The following LPIN1 variants were observed in gnomAD, a reference collection of about 807,000 sequenced individuals.
LPIN1 encodes the protein lipin 1.
Under a neutral mutation model 107.5 loss-of-function variants are expected in LPIN1, and 71 were observed. The observed-to-expected ratio is 0.66, with a 90% confidence interval of 0.55 to 0.80. The LOEUF (loss-of-function observed/expected upper bound fraction) is 0.80. LPIN1 is among the 30% of genes least tolerant of loss of function. The pLI is 0.00. For missense variants in LPIN1, 1,043 were observed against 1,160.6 expected, an observed-to-expected ratio of 0.90 and a Z score of 1.47; for synonymous variants, 445 against 452.6, an observed-to-expected ratio of 0.98 and a Z score of 0.21.
rs1214826747 is a variant in LPIN1, at chr2:11,774,945, G to C, written c.723-1141G>C. On this transcript the variant is annotated intron_variant, in intron 5 of 20. Coordinates refer to ENST00000674199, the MANE Select transcript of LPIN1 (RefSeq NM_001349206.2). This position sits in a 1 kb window ranked among gnomAD's most constrained non-coding sequence, Gnocchi z 4.4. ...TCCATATGTAATTTTAAGATTTCCA[G>C]TAGCCCTATTTTTAAAAAGTAAAAA... Among the ~76,000 whole-genome samples, 1 of 146,716 alleles carries C rather than the reference G, an allele frequency of 6.8e-6. No homozygotes were observed. The highest frequency in any genetic ancestry group is 1.5e-5 in the Non-Finnish European group (1 of 67,356).
intron 1 of LPIN1, among the ~76,000 whole-genome samples, chr2:11,687,914 G>A (rs1662088788): frequency 6.6e-6 from 1 of 152,254 alleles, no homozygotes; most frequent in South Asian, 2.1e-4. Context: ...GAGGACACCG[G>A]GGGCTGAAAC....
chr2:11,805,087 A>C lies in LPIN1; in HGVS notation c.2180A>C (p.His727Pro). Reference protein sequence around the residue: ...GTITRSDTLGHILPTLGKDWT... With the variant: ...GTITRSDTLGPILPTLGKDWT... ...TCATTTAGATCAGATACTCTTGGCC[A>C]CATTTTGCCCACCCTTGGGAAGGAT... The change falls in exon 17 of 21, where the codon CAC becomes CCC. Residue 727 changes from histidine (H) to proline (P), a missense_variant. Transcript: ENST00000674199. 6.2e-7 allele frequency: 1 copy of C among 1,612,756 alleles called. No homozygotes were observed. Among genetic ancestry groups the C allele is most frequent in the Non-Finnish European group, 8.5e-7 (1 of 1,179,122 alleles).
intron 2 of LPIN1, among the ~76,000 whole-genome samples, chr2:11,766,276 G>A (rs566866285): frequency 6.6e-6 from 1 of 152,060 alleles, no homozygotes; most frequent in East Asian, 1.9e-4. Flanking sequence ...CGTCTGCTGT[G>A]CTCTACTGGT....
At chr2:11,806,704 G>C (rs1678751063) in intron 17 of LPIN1, among the ~76,000 whole-genome samples, 1 of 152,090 alleles carries the variant, frequency 6.6e-6, no homozygotes, top group Admixed American at 6.5e-5. Context: ...TACTTCTTAA[G>C]ACATAAAAAT....
chr2:11,742,902 G>A (rs1440031819), upstream of LPIN1, among the ~76,000 whole-genome samples: 1 of 152,234 alleles, frequency 6.6e-6, no homozygotes, highest in East Asian at 1.9e-4. Flanking sequence ...CCTGACTGCT[G>A]TGCATGTGCT....
At chr2:11,766,249 C>A (rs778703729) in intron 2 of LPIN1, among the ~76,000 whole-genome samples, 1 of 152,180 alleles carries the variant, frequency 6.6e-6, no homozygotes, top group Non-Finnish European at 1.5e-5. Flanking sequence ...CCTAGCCTTG[C>A]AAGCCACATG....
At chr2:11,764,989 G>T (rs1029153729) in intron 1 of LPIN1, among the ~76,000 whole-genome samples, 2 of 152,220 alleles carry the variant, frequency 1.3e-5, no homozygotes, top group Admixed American at 6.5e-5. Flanking sequence ...GTGGAGACTG[G>T]TGGGCTTGCT....
intron 1 of LPIN1, among the ~76,000 whole-genome samples, chr2:11,738,259 T>G (rs916695071): frequency 1.3e-5 from 2 of 151,452 alleles, no homozygotes; most frequent in African/African-American, 4.9e-5. Context: ...AGGGGAGGGA[T>G]AGCATTAGGA....
chr2:11,805,193 C>A, intron 17 of LPIN1, 37 bp downstream of exon 17: 1 of 1,464,016 alleles, frequency 6.8e-7, no homozygotes, highest in Non-Finnish European at 9.6e-7. Flanking sequence ...CTCCTGTGAA[C>A]GCTGGTGTGT....
chr2:11,814,511 C>CGTGTGT (rs1558297645), intron 17 of LPIN1, among the ~76,000 whole-genome samples: 58 of 94,934 alleles, frequency 6.1e-4, no homozygotes, highest in African/African-American at 2.0e-3. Context: ...GGTGTGTGTG[C>CGTGTGT]ATGTGTGTGT....
intron 1 of LPIN1, among the ~76,000 whole-genome samples, chr2:11,708,346 G>T (rs6736021): frequency 0.48 from 73,678 of 151,972 alleles, 18,006 homozygotes; most frequent in Middle Eastern, 0.52. Context: ...GGAGAGCTGG[G>T]TTTTGAGTCA....
At chr2:11,824,542 A>C in intron 20 of LPIN1, 90 bp from the exon 21 acceptor site, 1 of 1,308,646 alleles carries the variant, frequency 7.6e-7, no homozygotes. Flanking sequence ...CTGCTCCTTG[A>C]GGTTGTAGAT....
chr2:11,800,192 G>A (rs1018519926), intron 14 of LPIN1, among the ~76,000 whole-genome samples: 2 of 152,112 alleles, frequency 1.3e-5, no homozygotes, highest in South Asian at 2.1e-4. Flanking sequence ...CTTGAGTGTC[G>A]GTTGAATGAA....
At chr2:11,701,266 T>C (rs920428475) in intron 1 of LPIN1, among the ~76,000 whole-genome samples, 1 of 152,226 alleles carries the variant, frequency 6.6e-6, no homozygotes, top group Non-Finnish European at 1.5e-5. Context: ...GGATTACAGA[T>C]ACTAGTTTCT....
intron 1 of LPIN1, among the ~76,000 whole-genome samples, chr2:11,699,695 G>A (rs1288220046): frequency 1.3e-5 from 2 of 152,116 alleles, no homozygotes; most frequent in Non-Finnish European, 2.9e-5. Flanking sequence ...AAGGGTCACT[G>A]AGTGACCACC....
At chr2:11,760,009 G>T (rs1477697529) in intron 1 of LPIN1, among the ~76,000 whole-genome samples, 1 of 63,906 alleles carries the variant, frequency 1.6e-5, no homozygotes. Flanking sequence ...CAGACGGGGC[G>T]GCCGGGCAGA....
chr2:11,699,079 A>T (rs189568244), intron 1 of LPIN1, among the ~76,000 whole-genome samples: 25 of 152,170 alleles, frequency 1.6e-4, no homozygotes, highest in Admixed American at 1.4e-3. Flanking sequence ...TTCTTCAATT[A>T]AAAAAAATGC....
Position 11,815,136 on chromosome 2 carries a change from G to A in LPIN1, c.2298G>A (p.Ala766=), listed in dbSNP as rs138499303. ...GTTCTGCCCGTGCCATCGGGATGGCGGACATGACGCGGGGCTACCTGCACT... is the reference window on the plus strand; with the variant it reads ...GTTCTGCCCGTGCCATCGGGATGGCAGACATGACGCGGGGCTACCTGCACT... ...LYCSARAIGM[A]DMTRGYLHWV... The change falls in exon 18 of 21, where the codon GCG becomes GCA. Residue 766 remains alanine (A), a synonymous_variant. Coordinates refer to ENST00000674199, the MANE Select transcript of LPIN1 (RefSeq NM_001349206.2). The A allele has an allele frequency of 7.9e-5, 128 of 1,614,052 alleles. 1 individual carries two copies. The highest frequency in any genetic ancestry group is 5.1e-4 in the South Asian group (46 of 91,082).
chr2:11,767,578 C>A (rs1671124873), intron 2 of LPIN1, 185 bp from the exon 3 acceptor site: 2 of 640,006 alleles, frequency 3.1e-6, no homozygotes, highest in Admixed American at 4.7e-5. Flanking sequence ...CTCCCGAACC[C>A]AGAACTCCTC....
Sources: allele counts gnomAD v4.1 joint callset (sites outside exome capture counted in the v4.1 genomes callset), GRCh38; gene constraint gnomAD v4.1.1; non-coding constraint Gnocchi (gnomAD v3.1); transcripts MANE v1.5; gene names NCBI Gene and HGNC (gene_info 2026-07-23, HGNC 2026-07-21).